CCDC146: variants seen among roughly 807,000 people sequenced by gnomAD.
The protein encoded by CCDC146 is coiled-coil domain-containing protein 146.
CCDC146 carries 92 observed loss-of-function variants against 119.3 expected under a neutral mutation model. The observed-to-expected ratio is 0.77, with a 90% CI of 0.65 to 0.92. The LOEUF is 0.92. Ranked by LOEUF, CCDC146 falls within the 40% of genes least tolerant of loss-of-function variation. CCDC146 has a pLI of 0.00. For missense variants in CCDC146, 1,000 were observed against 1,103.0 expected (o/e 0.91, Z 1.32); for synonymous variants, 372 against 371.8 (o/e 1.00, Z -0.01).
chr7:77,191,644 C>T (rs973770510), intron 2 of CCDC146, among the ~76,000 whole-genome samples: 2 of 152,154 alleles, frequency 1.3e-5, no homozygotes, highest in Non-Finnish European at 1.5e-5. Flanking sequence ...CGCAGTGGCT[C>T]ACGCCTGTAA....
At chr7:77,223,458 A>G (rs1052138026) in intron 2 of CCDC146, among the ~76,000 whole-genome samples, 2 of 151,734 alleles carry the variant, frequency 1.3e-5, no homozygotes, top group Non-Finnish European at 2.9e-5. Flanking sequence ...GCCACCAAAG[A>G]AGGAACAAAC....
At chr7:77,234,692 GC>G (rs1199759144) in intron 2 of CCDC146, among the ~76,000 whole-genome samples, 2 of 152,042 alleles carry the variant, frequency 1.3e-5, no homozygotes, top group Non-Finnish European at 2.9e-5. Context: ...CCAAGATAGC[GC>G]CACTGTACTC....
At chr7:77,234,890 T>C (rs1792705373) in intron 2 of CCDC146, among the ~76,000 whole-genome samples, 1 of 152,170 alleles carries the variant, frequency 6.6e-6, no homozygotes, top group Admixed American at 6.5e-5. Context: ...TTGTAGGGAT[T>C]GGAAGCCAGG....
At chr7:77,290,352 T>G (rs1793922906) in intron 17 of CCDC146, among the ~76,000 whole-genome samples, 1 of 151,774 alleles carries the variant, frequency 6.6e-6, no homozygotes, top group South Asian at 2.1e-4. Context: ...GTTGTGCACA[T>G]GTACCCTAGA....
intron 2 of CCDC146, among the ~76,000 whole-genome samples, chr7:77,188,103 A>G (rs771217672): frequency 2.6e-5 from 4 of 152,056 alleles, no homozygotes; most frequent in Admixed American, 6.6e-5. Flanking sequence ...TTGTCTATAA[A>G]TTTGTTCTGA....
At chr7:77,237,055 A>G in intron 3 of CCDC146, 26 bp downstream of exon 3, 1 of 1,566,370 alleles carries the variant, frequency 6.4e-7, no homozygotes, top group Non-Finnish European at 8.8e-7. Flanking sequence ...ATATGGAGAC[A>G]TGATTAATCA....
chr7:77,238,113 T>G (rs1001317538), intron 3 of CCDC146, among the ~76,000 whole-genome samples: 5 of 152,148 alleles, frequency 3.3e-5, no homozygotes, highest in African/African-American at 1.2e-4. Flanking sequence ...AAACTTCAAG[T>G]GCACCCAGGT....
intron 4 of CCDC146, among the ~76,000 whole-genome samples, chr7:77,251,698 T>G (rs989187983): frequency 1.3e-5 from 2 of 152,144 alleles, no homozygotes; most frequent in African/African-American, 4.8e-5. Flanking sequence ...GCCAAAATTC[T>G]GGGGGAAGGG....
At chr7:77,258,905 A>T in intron 6 of CCDC146, 90 bp from the exon 7 acceptor site, 1 of 801,280 alleles carries the variant, frequency 1.2e-6, no homozygotes, top group Non-Finnish European at 2.1e-6. Flanking sequence ...TACATATTGT[A>T]GTTCCTTTCT....
intron 9 of CCDC146, among the ~76,000 whole-genome samples, chr7:77,269,959 A>T (rs1793479123): frequency 6.6e-6 from 1 of 152,190 alleles, no homozygotes; most frequent in African/African-American, 2.4e-5. Context: ...TCCAAAACTA[A>T]AAGAGATAAA....
At chr7:77,245,335 C>T (rs1792928506) in intron 4 of CCDC146, among the ~76,000 whole-genome samples, 2 of 152,232 alleles carry the variant, frequency 1.3e-5, no homozygotes, top group Non-Finnish European at 2.9e-5. Context: ...CCTCTCTAAA[C>T]AGTTTGAAAA....
At chr7:77,293,353 A>G (rs1793986158) in intron 18 of CCDC146, among the ~76,000 whole-genome samples, 153 bp downstream of exon 18, 1 of 152,224 alleles carries the variant, frequency 6.6e-6, no homozygotes, top group South Asian at 2.1e-4. Flanking sequence ...ATATTCTATG[A>G]TAAGTCAAAG....
At chr7:77,170,318 T>C (rs1167411161) in intron 2 of CCDC146, among the ~76,000 whole-genome samples, 1 of 151,338 alleles carries the variant, frequency 6.6e-6, no homozygotes, top group East Asian at 1.9e-4. Flanking sequence ...CATCCTCCTA[T>C]ATGGTTGCAT....
rs1726478748 is a variant in CCDC146, at chr7:77,144,315, G to A, written c.-12+21583G>A. Among the ~76,000 whole-genome samples, 5 of 151,772 alleles carry A rather than the reference G, an allele frequency of 3.3e-5. No individual in the cohort carries two copies. The South Asian group carries it at 1.0e-3, about 32-fold the overall frequency. On this transcript the variant is annotated intron_variant, in intron 1 of 18. Coordinates refer to ENST00000285871, the MANE Select transcript of CCDC146 (RefSeq NM_020879.3). ...TGCTTATCAGCTTAAGGAGATTTTG[G>A]GCTGAGATGATGGGGTTTTCTAAAT...
At position 77,279,027 on chromosome 7, in the gene CCDC146, T is replaced by C. The variant is rs773820657; in HGVS notation, c.1620T>C (p.Asn540=). The C allele has an allele frequency of 1.2e-6, 2 of 1,610,548 alleles. No individual in the cohort carries two copies. Among genetic ancestry groups the C allele is most frequent in the Non-Finnish European group, 1.7e-6 (2 of 1,178,406 alleles). ...NLLHKAHQKV[N]EIKERHKMSL... is the part of the protein sequence containing the mutation. ...TCCACAAAGCTCATCAGAAAGTAAA[T>C]GAAATAAAAGAAAGGCATAAAATGT... is the stretch of plus-strand genomic sequence containing the variant. Residue 540 remains asparagine (N), a synonymous_variant, in exon 13 of 19, where the codon AAT becomes AAC. Transcript: ENST00000285871.
chr7:77,159,210 G>T (rs1480573922), intron 1 of CCDC146, among the ~76,000 whole-genome samples: 1 of 151,868 alleles, frequency 6.6e-6, no homozygotes, highest in Non-Finnish European at 1.5e-5. Flanking sequence ...ATACAATAGG[G>T]TATTGTTAGC....
chr7:77,253,340 T>C (rs4729254), intron 4 of CCDC146, among the ~76,000 whole-genome samples: 11,425 of 152,248 alleles, frequency 0.075, 767 homozygotes, highest in East Asian at 0.28. Context: ...AATGCAATTG[T>C]CACACAAAAC....
intron 1 of CCDC146, among the ~76,000 whole-genome samples, chr7:77,133,417 C>G (rs1790814710): frequency 6.6e-6 from 1 of 152,028 alleles, no homozygotes. Context: ...GTGGTGTGAT[C>G]TTGGCTCACT....
At chr7:77,127,592 G>C (rs1337870891) in intron 1 of CCDC146, among the ~76,000 whole-genome samples, 1 of 152,022 alleles carries the variant, frequency 6.6e-6, no homozygotes, top group African/African-American at 2.4e-5. Context: ...TTGATATTAG[G>C]GTAAAATTAG....
Sources: gnomAD v4.1 joint callset for allele counts (sites outside exome capture counted in the v4.1 genomes callset) on GRCh38, gnomAD v4.1.1 for gene constraint, MANE v1.5 for transcripts, NCBI Gene and HGNC (gene_info 2026-07-23, HGNC 2026-07-21) for gene names.